The following FHIT variants were observed in gnomAD, a reference collection of about 807,000 sequenced individuals.
The protein encoded by FHIT is bis(5'-adenosyl)-triphosphatase.
FHIT carries 19 observed loss-of-function variants against 17.9 expected under a neutral mutation model. The observed-to-expected ratio is 1.06, with a 90% CI of 0.74 to 1.56. The LOEUF is 1.56. FHIT is among the 40% of genes most tolerant of loss of function. The pLI is 0.00. For missense variants in FHIT, 248 were observed against 189.2 expected (o/e 1.31, Z -1.82); for synonymous variants, 81 against 69.7 (o/e 1.16, Z -0.81).
chr3:60,939,105 A>G (rs781919335), intron 3 of FHIT, among the ~76,000 whole-genome samples: 2 of 152,192 alleles, frequency 1.3e-5, no homozygotes, highest in Non-Finnish European at 2.9e-5. Context: ...TCTCATATAC[A>G]TACGCACATT....
chr3:60,214,531 A>T (rs748412939), intron 5 of FHIT, among the ~76,000 whole-genome samples: 1 of 152,194 alleles, frequency 6.6e-6, no homozygotes, highest in Non-Finnish European at 1.5e-5. Context: ...TGGTGAGGCG[A>T]CAGAGTAAAG....
At chr3:60,871,351 T>C (rs1044142788) in intron 3 of FHIT, among the ~76,000 whole-genome samples, 12 of 152,100 alleles carry the variant, frequency 7.9e-5, no homozygotes, top group African/African-American at 2.9e-4. Context: ...AGAACTCCTG[T>C]CTCCCATGAT....
chr3:60,110,329 T>A (rs771637977), intron 5 of FHIT, among the ~76,000 whole-genome samples: 3 of 152,284 alleles, frequency 2.0e-5, no homozygotes, highest in Non-Finnish European at 2.9e-5. Context: ...CATTTCACCA[T>A]CTTGAAAATT....
At chr3:61,217,186 T>C (rs2039707089) in intron 1 of FHIT, among the ~76,000 whole-genome samples, 1 of 152,134 alleles carries the variant, frequency 6.6e-6, no homozygotes, top group Non-Finnish European at 1.5e-5. Flanking sequence ...AAGAATTTAT[T>C]ATCTCTCACG....
At chr3:60,577,257 C>A (rs2037601625) in intron 4 of FHIT, among the ~76,000 whole-genome samples, 2 of 152,042 alleles carry the variant, frequency 1.3e-5, no homozygotes, top group South Asian at 2.1e-4. Flanking sequence ...TCTGAAGCTG[C>A]CTTTCAGCAG....
In FHIT at chr3:60,175,215, T is replaced by C. The variant is rs143571905; in HGVS notation, c.104-161063A>G. Among the ~76,000 whole-genome samples, 817 of 152,322 alleles carry C rather than the reference T, an allele frequency of 5.4e-3. 7 individuals carry two copies. Among genetic ancestry groups the C allele is most frequent in the African/African-American group, 0.019 (781 of 41,574 alleles). On this transcript the variant is annotated intron_variant, in intron 5 of 9. Transcript: ENST00000492590. ...ATAAAATGAAGCTTTAGAATCTAGA[T>C]AACCAGGACACAGTACACTGAATGT...
rs373279150 is a variant in FHIT at position 60,507,259 on chromosome 3, AAAC to A, written c.103+29598_103+29600del. Among the ~76,000 whole-genome samples, 887 of 152,272 alleles carry A rather than the reference AAAC, an allele frequency of 5.8e-3. 6 individuals are homozygous for A. The highest frequency in any genetic ancestry group is 0.02 in the African/African-American group (835 of 41,560). On this transcript the variant is annotated intron_variant, in intron 5 of 9. Transcript: ENST00000492590. The stretch of plus-strand genomic sequence containing the variant: ...TGCAAAAACATTCCAGTCAAGAGAG[AAAC>A]AACATGCAAAGGCCTATGGCTAAAG...
intron 4 of FHIT, among the ~76,000 whole-genome samples, chr3:60,615,088 A>C (rs782684806): frequency 1.3e-5 from 2 of 152,034 alleles, no homozygotes; most frequent in African/African-American, 2.4e-5. Flanking sequence ...TTGGCCTCCC[A>C]AAGTGCTGGG....
chr3:60,504,911 A>G lies in FHIT; in HGVS notation c.103+31949T>C, dbSNP rs559877574. On this transcript the variant is annotated intron_variant, in intron 5 of 9. Coordinates refer to ENST00000492590, the MANE Select transcript of FHIT (RefSeq NM_002012.4). ...ATTATGTTCAATAGTCTGAAAGCAC[A>G]AATTCTGACCTTTAAGTTCAAAGTG... 1.2e-3 allele frequency among the ~76,000 whole-genome samples: 190 copies of G among 152,318 alleles called. 1 individual carries two copies. Among genetic ancestry groups the G allele is most frequent in the African/African-American group, 4.2e-3 (175 of 41,578 alleles).
At chr3:60,025,153 C>G (rs1453150701) in intron 5 of FHIT, among the ~76,000 whole-genome samples, 1 of 152,144 alleles carries the variant, frequency 6.6e-6, no homozygotes, top group Non-Finnish European at 1.5e-5. Flanking sequence ...TGTCATGTAG[C>G]TCACCATTTG....
At chr3:60,190,041 T>G (rs984909494) in intron 5 of FHIT, among the ~76,000 whole-genome samples, 1 of 152,204 alleles carries the variant, frequency 6.6e-6, no homozygotes, top group Non-Finnish European at 1.5e-5. Context: ...TTGAAACATG[T>G]TTCTTTTAAG....
chr3:60,925,466 C>G (rs1482094651), intron 3 of FHIT, among the ~76,000 whole-genome samples: 4 of 152,122 alleles, frequency 2.6e-5, no homozygotes, highest in Non-Finnish European at 4.4e-5. Context: ...AACTAAGCTT[C>G]ATAAGTGAAG....
intron 4 of FHIT, among the ~76,000 whole-genome samples, chr3:60,567,288 C>G (rs1253056927): frequency 2.0e-5 from 3 of 151,904 alleles, no homozygotes; most frequent in African/African-American, 7.3e-5. Flanking sequence ...CAGAACAGAG[C>G]CCTCAGAAAT....
chr3:60,505,309 T>C (rs2034683658), intron 5 of FHIT, among the ~76,000 whole-genome samples: 1 of 152,186 alleles, frequency 6.6e-6, no homozygotes, highest in South Asian at 2.1e-4. Context: ...CTTCACTACT[T>C]ACTAGGTGGG....
rs1231752304 is a variant in FHIT at position 61,055,663 on chromosome 3, A to G, written c.-163-13564T>C. On this transcript the variant is annotated intron_variant, in intron 2 of 9. Coordinates refer to ENST00000492590, the MANE Select transcript of FHIT (RefSeq NM_002012.4). Reference sequence around the variant, plus strand: ...TACTGGGGGAATTCAAGGTTAATCAAACACAGATGGTGTCCTCAAGGAGCT... The same window carrying G: ...TACTGGGGGAATTCAAGGTTAATCAGACACAGATGGTGTCCTCAAGGAGCT... 3.3e-5 allele frequency among the ~76,000 whole-genome samples: 5 copies of G among 152,184 alleles called. No individual in the cohort carries two copies. The East Asian group carries it at 7.7e-4, about 23-fold the overall frequency.
In FHIT at chr3:59,814,649, C is replaced by A. The variant is rs546670288; in HGVS notation, c.349-62328G>T. 6.6e-5 allele frequency among the ~76,000 whole-genome samples: 10 copies of A among 152,244 alleles called. No individual in the cohort carries two copies. In the East Asian group the frequency reaches 1.4e-3, roughly 21 times the overall value. ...CATAGGTCCTATTTCTTTCCTAGGC[C>A]ACACAGCTTTTAAACATAATATTTC... On this transcript the variant is annotated intron_variant, in intron 8 of 9. Coordinates refer to ENST00000492590, the MANE Select transcript of FHIT (RefSeq NM_002012.4).
At chr3:60,048,286 C>T (rs1415821334) in intron 5 of FHIT, among the ~76,000 whole-genome samples, 2 of 152,192 alleles carry the variant, frequency 1.3e-5, no homozygotes, top group Admixed American at 6.5e-5. Context: ...AAGCTATTCT[C>T]CTGCCTCAGC....
At chr3:60,183,153 T>G (rs1702013643) in intron 5 of FHIT, among the ~76,000 whole-genome samples, 1 of 152,104 alleles carries the variant, frequency 6.6e-6, no homozygotes, top group African/African-American at 2.4e-5. Flanking sequence ...ATCCCAGCAC[T>G]TTGGGAGGCC....
chr3:59,789,567 G>A (rs1319680853), intron 8 of FHIT, among the ~76,000 whole-genome samples: 1 of 152,124 alleles, frequency 6.6e-6, no homozygotes, highest in Non-Finnish European at 1.5e-5. Context: ...GAATTGAAAT[G>A]GTATCTTTTA....
Sources: allele counts gnomAD v4.1 joint callset (sites outside exome capture counted in the v4.1 genomes callset), GRCh38; gene constraint gnomAD v4.1.1; transcripts MANE v1.5; gene names NCBI Gene and HGNC (gene_info 2026-07-23, HGNC 2026-07-21).